CDH17: variants seen among roughly 807,000 people sequenced by gnomAD.
CDH17 encodes cadherin 17.
Under a neutral mutation model 86.3 loss-of-function variants are expected in CDH17, and 67 were observed. That is an observed-to-expected ratio of 0.78 (90% CI 0.64 to 0.95). The LOEUF (loss-of-function observed/expected upper bound fraction) is 0.95. Among genes scored for constraint, CDH17 ranks in the 40% least tolerant of loss-of-function variants. CDH17 has a pLI of 0.00. For missense variants in CDH17, 993 were observed against 1,017.6 expected, an observed-to-expected ratio of 0.98 and a Z score of 0.33; for synonymous variants, 367 against 366.4, an observed-to-expected ratio of 1.00 and a Z score of -0.02.
intron 15 of CDH17, among the ~76,000 whole-genome samples, chr8:94,137,776 G>A (rs1046356890): frequency 6.6e-6 from 1 of 152,220 alleles, no homozygotes; most frequent in Admixed American, 6.5e-5. Context: ...CACCCTGCCA[G>A]TGTCCATGAA....
intron 5 of CDH17, among the ~76,000 whole-genome samples, chr8:94,176,166 A>G (rs1273600889): frequency 6.6e-6 from 1 of 151,918 alleles, no homozygotes; most frequent in East Asian, 1.9e-4. Context: ...CAGCCTCCCA[A>G]AGTACTGGGA....
At chr8:94,201,922 C>A in intron 1 of CDH17, 1 of 185,092 alleles carries the variant, frequency 5.4e-6, no homozygotes, top group Non-Finnish European at 1.2e-5. Flanking sequence ...TTTAGAACAC[C>A]AATTTGTGAG....
At chr8:94,141,857 T>A (rs1812644617) in intron 15 of CDH17, among the ~76,000 whole-genome samples, 2 of 152,276 alleles carry the variant, frequency 1.3e-5, no homozygotes, top group Non-Finnish European at 1.5e-5. Flanking sequence ...AGGAACAGGC[T>A]ACATTCTAAA....
chr8:94,168,301 G>GTT (rs34513341), intron 9 of CDH17, among the ~76,000 whole-genome samples: 11,551 of 121,594 alleles, frequency 0.095, 960 homozygotes, highest in Non-Finnish European at 0.14. Flanking sequence ...AATTTTTGCA[G>GTT]TTTTTTTTTT....
intron 12 of CDH17, among the ~76,000 whole-genome samples, chr8:94,159,684 C>T (rs113683637): frequency 2.0e-5 from 3 of 152,182 alleles, no homozygotes; most frequent in African/African-American, 4.8e-5. Context: ...GCATAGAACA[C>T]ACTTATACTA....
At chr8:94,168,138 A>ACG (rs1318335144) in intron 9 of CDH17, among the ~76,000 whole-genome samples, 21 of 50,738 alleles carry the variant, frequency 4.1e-4, no homozygotes, top group African/African-American at 1.3e-3. Flanking sequence ...ATATATATAT[A>ACG]TATATATATA....
rs77124397 is a variant in CDH17, at chr8:94,174,015, A to G, written c.584-19T>C. 9,729 of 1,611,600 alleles carry G rather than the reference A, an allele frequency of 6.0e-3. 106 individuals are homozygous for G. Among genetic ancestry groups the G allele is most frequent in the East Asian group, 0.037 (1,677 of 44,820 alleles). On this transcript the variant is annotated intron_variant, in intron 6 of 17. Coordinates refer to ENST00000027335, the MANE Select transcript of CDH17 (RefSeq NM_004063.4). The stretch of plus-strand genomic sequence containing the variant: ...TGAGATCCTGTGAGAAGTAGGGGAG[A>G]AGGGAATAGGAAGTGTCTCTGGAAG...
intron 15 of CDH17, among the ~76,000 whole-genome samples, chr8:94,133,175 T>G (rs1430239515): frequency 2.6e-5 from 4 of 151,740 alleles, no homozygotes; most frequent in African/African-American, 9.7e-5. Context: ...CATATGAACT[T>G]TACAGTTTTT....
chr8:94,149,794 G>A lies in CDH17; in HGVS notation c.1797-920C>T, dbSNP rs138275473. 3.7e-4 allele frequency among the ~76,000 whole-genome samples: 57 copies of A among 152,238 alleles called. 2 individuals are homozygous for A. Among genetic ancestry groups the A allele is most frequent in the African/African-American group, 1.3e-3 (55 of 41,550 alleles). The stretch of plus-strand genomic sequence containing the variant: ...ACCTGGCCATATTTGTGCTTTCAAC[G>A]GAGCTCATTGGTAGGTGTTTGGAAG... On this transcript the variant is annotated intron_variant, in intron 13 of 17. Coordinates refer to ENST00000027335, the MANE Select transcript of CDH17 (RefSeq NM_004063.4).
upstream of CDH17, among the ~76,000 whole-genome samples, chr8:94,212,284 T>C (rs1430151734): frequency 6.6e-6 from 1 of 152,136 alleles, no homozygotes; most frequent in Non-Finnish European, 1.5e-5. Context: ...GCCTCCCAAG[T>C]AGCTGGGACT....
At chr8:94,174,282 G>T (rs879005117) in intron 5 of CDH17, 22 bp from the exon 6 acceptor site, 15 of 1,275,728 alleles carry the variant, frequency 1.2e-5, no homozygotes, top group Non-Finnish European at 1.3e-5. Flanking sequence ...GACGTACCCA[G>T]AAAAAAAAAA....
intron 12 of CDH17, among the ~76,000 whole-genome samples, chr8:94,154,697 C>G (rs1018433124): frequency 1.3e-5 from 2 of 152,186 alleles, no homozygotes; most frequent in Non-Finnish European, 2.9e-5. Flanking sequence ...CATCCTCAAA[C>G]TGACAAGCTG....
intron 3 of CDH17, among the ~76,000 whole-genome samples, chr8:94,188,666 T>C (rs947481536): frequency 6.6e-6 from 1 of 152,218 alleles, no homozygotes; most frequent in Non-Finnish European, 1.5e-5. Flanking sequence ...CCCCTCCATC[T>C]GATACTGTTC....
intron 1 of CDH17, 101 bp from the exon 2 acceptor site, chr8:94,194,806 A>G (rs1813751445): frequency 1.5e-6 from 1 of 670,078 alleles, no homozygotes. Flanking sequence ...TTATAAATCT[A>G]GTAAAATGGT....
At chr8:94,165,431 A>G (rs1813133170) in intron 10 of CDH17, among the ~76,000 whole-genome samples, 1 of 151,998 alleles carries the variant, frequency 6.6e-6, no homozygotes, top group Non-Finnish European at 1.5e-5. Context: ...TCAGGCTTGT[A>G]TTTAGGTCTG....
chr8:94,204,984 TG>T (rs961790650), intron 1 of CDH17, among the ~76,000 whole-genome samples: 9 of 152,222 alleles, frequency 5.9e-5, no homozygotes, highest in African/African-American at 2.2e-4. Flanking sequence ...TTTGAATTTT[TG>T]CAATCAGACC....
chr8:94,183,702 T>C (rs1246499087), intron 3 of CDH17, among the ~76,000 whole-genome samples: 1 of 151,722 alleles, frequency 6.6e-6, no homozygotes, highest in Non-Finnish European at 1.5e-5. Context: ...ACAATAACAA[T>C]ATAAATTGGA....
At chr8:94,159,534 G>T (rs1024018101) in intron 12 of CDH17, among the ~76,000 whole-genome samples, 2 of 152,106 alleles carry the variant, frequency 1.3e-5, no homozygotes, top group Non-Finnish European at 2.9e-5. Flanking sequence ...AAGTGAAAGC[G>T]AGACCCTGAG....
chr8:94,176,491 CCTGACACCCTTCCAT>C (rs1476396675), intron 5 of CDH17, 35 bp downstream of exon 5: 1 of 1,603,766 alleles, frequency 6.2e-7, no homozygotes, highest in African/African-American at 1.3e-5. Context: ...GCCCCTTCCA[CCTGACACCCTTCCAT>C]CTTTCCATAA....
Sources: gnomAD v4.1 joint callset for allele counts (sites outside exome capture counted in the v4.1 genomes callset) on GRCh38, gnomAD v4.1.1 for gene constraint, MANE v1.5 for transcripts, NCBI Gene and HGNC (gene_info 2026-07-23, HGNC 2026-07-21) for gene names.